The following LMLN variants were observed in gnomAD, a reference collection of about 807,000 sequenced individuals.
The protein encoded by LMLN is leishmanolysin-like peptidase.
LMLN carries 70 observed loss-of-function variants against 92.3 expected under a neutral mutation model. The observed-to-expected ratio is 0.76, with a 90% confidence interval of 0.63 to 0.92. The LOEUF (loss-of-function observed/expected upper bound fraction) is 0.92. Ranked by LOEUF, LMLN falls within the 40% of genes least tolerant of loss-of-function variation. LMLN has a pLI of 0.00. For missense variants in LMLN, 691 were observed against 814.6 expected, an observed-to-expected ratio of 0.85 and a Z score of 1.85; for synonymous variants, 308 against 296.2, an observed-to-expected ratio of 1.04 and a Z score of -0.41.
intron 11 of LMLN, among the ~76,000 whole-genome samples, chr3:198,014,941 TCCACCCTTCAGAGCCCCCTAACTA>T (rs1722580175): frequency 1.5e-5 from 2 of 136,664 alleles, no homozygotes; most frequent in Non-Finnish European, 3.1e-5. Flanking sequence ...CTGACTTCTC[TCCACCCTTCAGAGCCCCCTAACTA>T]GTCTGACTTC....
chr3:198,011,354 A>G (rs544420135), intron 11 of LMLN, among the ~76,000 whole-genome samples: 168 of 152,058 alleles, frequency 1.1e-3, no homozygotes, highest in Middle Eastern at 3.4e-3. Flanking sequence ...ATTCCCACCT[A>G]TGAGTGAGAA....
At chr3:198,038,706 A>T (rs764498888) in exon 16 of LMLN, 2 of 1,474,144 alleles carry the variant, frequency 1.4e-6, no homozygotes, top group South Asian at 2.3e-5. Flanking sequence ...CTTTTATGTT[A>T]TGTTCTTGTG....
chr3:197,992,665 G>T (rs1721908251), intron 9 of LMLN, among the ~76,000 whole-genome samples: 1 of 152,134 alleles, frequency 6.6e-6, no homozygotes, highest in Admixed American at 6.5e-5. Flanking sequence ...TCAAAGAGAA[G>T]CCCAGGACCA....
chr3:197,971,861 T>C (rs1721233127), intron 1 of LMLN, among the ~76,000 whole-genome samples: 1 of 152,054 alleles, frequency 6.6e-6, no homozygotes, highest in South Asian at 2.1e-4. Flanking sequence ...ATATATATTC[T>C]GTCTCATATT....
At chr3:197,985,390 TACAC>T (rs142039210) in intron 7 of LMLN, among the ~76,000 whole-genome samples, 2,309 of 142,424 alleles carry the variant, frequency 0.016, 21 homozygotes, top group African/African-American at 0.02. Context: ...TTTCATAATG[TACAC>T]ACACACACAC....
At chr3:197,972,808 C>T (rs761915756) in intron 1 of LMLN, among the ~76,000 whole-genome samples, 4 of 152,066 alleles carry the variant, frequency 2.6e-5, no homozygotes, top group South Asian at 2.1e-4. Flanking sequence ...TTATCGCATA[C>T]ATATGTAATT....
At chr3:197,988,573 A>G (rs1278711488) in intron 8 of LMLN, among the ~76,000 whole-genome samples, 2 of 140,798 alleles carry the variant, frequency 1.4e-5, no homozygotes, top group African/African-American at 2.7e-5. Context: ...GGCTTACTGC[A>G]GTGTTGATCT....
chr3:198,041,323 C>T (rs1201495664), exon 16 of LMLN: 1 of 152,186 alleles, frequency 6.6e-6, no homozygotes, highest in Non-Finnish European at 1.5e-5. Flanking sequence ...ATCCAAATTG[C>T]TCCAAAATCT....
intron 11 of LMLN, among the ~76,000 whole-genome samples, chr3:198,016,523 TGA>T (rs1176655372): frequency 6.6e-6 from 1 of 152,232 alleles, no homozygotes; most frequent in Non-Finnish European, 1.5e-5. Context: ...TAGCATTGTG[TGA>T]GTTTGTTTTA....
At chr3:197,996,331 C>G (rs1722017412) in intron 10 of LMLN, 49 bp downstream of exon 10, 2 of 1,193,156 alleles carry the variant, frequency 1.7e-6, no homozygotes, top group East Asian at 5.1e-5. Context: ...GAAAATAATT[C>G]ATAATTATGG....
chr3:197,980,416 T>A, exon 6 of LMLN: 1 of 1,614,080 alleles, frequency 6.2e-7, no homozygotes, highest in Non-Finnish European at 8.5e-7. Context: ...CTTTGTTCTT[T>A]ACGTTGGTGC....
intron 8 of LMLN, among the ~76,000 whole-genome samples, chr3:197,989,129 G>A (rs1210223621): frequency 1.3e-5 from 2 of 152,108 alleles, no homozygotes; most frequent in African/African-American, 4.8e-5. Context: ...TGTCTGTCAG[G>A]TTACTGGTTT....
rs1415948094 is a variant in LMLN at position 198,031,197 on chromosome 3, A to C, written c.1657-4636A>C. Among the ~76,000 whole-genome samples, 1 of 152,254 alleles carries C rather than the reference A, an allele frequency of 6.6e-6. No individual in the cohort carries two copies. Among genetic ancestry groups the C allele is most frequent in the Non-Finnish European group, 1.5e-5 (1 of 68,036 alleles). ...TGAAACCTATATACTTTTATACTAC[A>C]TTGAACAAAGGGAGACAGTTACAGA... is the stretch of plus-strand genomic sequence containing the variant. On this transcript the variant is annotated intron_variant, in intron 14 of 15. Coordinates refer to ENST00000330198, the Ensembl canonical transcript of LMLN. This position sits in a 1 kb window ranked among gnomAD's most constrained non-coding sequence, Gnocchi z 4.8.
At chr3:197,999,422 G>C in intron 11 of LMLN, 80 bp downstream of exon 11, 1 of 1,000,394 alleles carries the variant, frequency 1.0e-6, no homozygotes, top group Non-Finnish European at 1.6e-6. Flanking sequence ...AGAAAATGCT[G>C]ACATTTTATG....
At chr3:198,012,033 A>C (rs1408818502) in intron 11 of LMLN, among the ~76,000 whole-genome samples, 3 of 152,178 alleles carry the variant, frequency 2.0e-5, no homozygotes, top group Admixed American at 1.3e-4. Flanking sequence ...TTACAAGAAA[A>C]AAACAAACAA....
At chr3:197,988,987 T>C (rs2109880269) in intron 8 of LMLN, among the ~76,000 whole-genome samples, 1 of 152,288 alleles carries the variant, frequency 6.6e-6, no homozygotes, top group African/African-American at 2.4e-5. Context: ...CTGGCCTATG[T>C]AGTATATCTT....
intron 11 of LMLN, among the ~76,000 whole-genome samples, chr3:198,006,925 C>T (rs943536557): frequency 2.6e-5 from 4 of 152,142 alleles, no homozygotes; most frequent in African/African-American, 9.7e-5. Flanking sequence ...GTTGGCCAGG[C>T]TGGTCTCGAA....
chr3:197,992,775 CT>C (rs201918583), intron 9 of LMLN, among the ~76,000 whole-genome samples: 61 of 151,178 alleles, frequency 4.0e-4, no homozygotes, highest in African/African-American at 1.5e-3. Context: ...TACTTCCAGA[CT>C]TTTTTTTTAC....
rs534187305 is a variant in LMLN at position 197,979,618 on chromosome 3, C to G, written c.550-708C>G. Among the ~76,000 whole-genome samples the G allele has an allele frequency of 3.8e-4, 58 of 152,222 alleles. 1 individual carries two copies. The highest frequency in any genetic ancestry group is 1.4e-3 in the Admixed American group (21 of 15,284). On this transcript the variant is annotated intron_variant, in intron 5 of 15. Coordinates refer to ENST00000330198, the Ensembl canonical transcript of LMLN. ...CGATCACAAGTTCAGGAGTTCGAGA[C>G]CAGCCTGGCCTATATGGTGAAACCC...
Sources: gnomAD v4.1 joint callset for allele counts (sites outside exome capture counted in the v4.1 genomes callset) on GRCh38, gnomAD v4.1.1 for gene constraint, Gnocchi (gnomAD v3.1) non-coding constraint, MANE v1.5 for transcripts, NCBI Gene and HGNC (gene_info 2026-07-23, HGNC 2026-07-21) for gene names.